The following MTOR variants were observed in gnomAD, a reference collection of about 807,000 sequenced individuals.
MTOR encodes the protein mechanistic target of rapamycin kinase.
MTOR carries 70 observed loss-of-function variants against 319.8 expected under a neutral mutation model. That is an observed-to-expected ratio of 0.22 (90% CI 0.18 to 0.27). MTOR has a LOEUF of 0.27. MTOR is among the 10% of genes least tolerant of loss of function. MTOR has a pLI of 1.00. For synonymous variants in MTOR, 1,183 were observed against 1,211.4 expected, an observed-to-expected ratio of 0.98 and a Z score of 0.49; for missense variants, 1,890 against 3,274.4, an observed-to-expected ratio of 0.58 and a Z score of 10.32.
At chr1:11,132,386 C>T (rs1219177406) in intron 38 of MTOR, 1 of 152,228 alleles carries the variant, frequency 6.6e-6, no homozygotes, top group African/African-American at 2.4e-5. Context: ...ATTATAAGTG[C>T]TTCTGCAGTC....
At chr1:11,231,239 ATC>A (rs2100867406) in intron 17 of MTOR, 59 bp downstream of exon 17, 1 of 1,606,968 alleles carries the variant, frequency 6.2e-7, no homozygotes, top group Non-Finnish European at 8.5e-7. Flanking sequence ...TGCTGCAACC[ATC>A]TCTCTCTTGC....
intron 19 of MTOR, among the ~76,000 whole-genome samples, chr1:11,227,530 T>C (rs1304571831): frequency 1.3e-5 from 2 of 152,064 alleles, no homozygotes; most frequent in African/African-American, 4.8e-5. Context: ...CTTAGTAGAG[T>C]GTATTCTAAG....
At chr1:11,197,223 G>A (rs1382638860) in intron 28 of MTOR, among the ~76,000 whole-genome samples, 3 of 152,150 alleles carry the variant, frequency 2.0e-5, no homozygotes, top group Non-Finnish European at 4.4e-5. Context: ...CCAACAGTGG[G>A]AAAAGACCCC....
intron 15 of MTOR, 33 bp from the exon 16 acceptor site, chr1:11,232,561 T>C (rs1647054778): frequency 6.3e-7 from 1 of 1,580,216 alleles, no homozygotes; most frequent in Non-Finnish European, 8.7e-7. Flanking sequence ...GCAGAAAGGG[T>C]TAGAAATTCT....
intron 8 of MTOR, among the ~76,000 whole-genome samples, chr1:11,245,606 C>T (rs1205592): frequency 0.73 from 110,727 of 151,956 alleles, 40,636 homozygotes; most frequent in East Asian, 0.91. Flanking sequence ...AAATCAAGAG[C>T]ATAATTTCCT....
chr1:11,249,119 G>C (rs1649245778), intron 6 of MTOR, among the ~76,000 whole-genome samples: 1 of 151,978 alleles, frequency 6.6e-6, no homozygotes, highest in South Asian at 2.1e-4. Flanking sequence ...AGCTACTCGG[G>C]AGGCTGAGGC....
At chr1:11,185,290 C>A (rs1359274937) in intron 28 of MTOR, among the ~76,000 whole-genome samples, 4 of 149,332 alleles carry the variant, frequency 2.7e-5, no homozygotes, top group African/African-American at 4.9e-5. Context: ...TTAAAACTGA[C>A]TCTGGCCAGG....
chr1:11,170,708 T>A (rs1489850500), intron 28 of MTOR, among the ~76,000 whole-genome samples: 1 of 150,514 alleles, frequency 6.6e-6, no homozygotes, highest in Admixed American at 6.6e-5. Context: ...TTTTGAGAGA[T>A]GGAGTTTCAC....
At chr1:11,144,327 T>C in intron 34 of MTOR, 2 of 240,454 alleles carry the variant, frequency 8.3e-6, no homozygotes, top group East Asian at 1.4e-4. Flanking sequence ...GTGATTCTAC[T>C]GTGCTGCTAA....
chr1:11,145,389 TC>T (rs1643897856), intron 32 of MTOR: 1 of 266,032 alleles, frequency 3.8e-6, no homozygotes, highest in Non-Finnish European at 7.3e-6. Flanking sequence ...CTTTTTTTTT[TC>T]TTCTGAGACA....
intron 23 of MTOR, among the ~76,000 whole-genome samples, chr1:11,211,278 T>C (rs1307155426): frequency 1.3e-5 from 2 of 152,200 alleles, no homozygotes; most frequent in Non-Finnish European, 2.9e-5. Flanking sequence ...TGGCCCACAA[T>C]AGTGATTTGC....
chr1:11,226,615 A>ACCCAAAAAT (rs967721160), intron 19 of MTOR, among the ~76,000 whole-genome samples: 7 of 152,168 alleles, frequency 4.6e-5, no homozygotes, highest in African/African-American at 1.7e-4. Flanking sequence ...ACATGGCGAA[A>ACCCAAAAAT]CCCAAAAAAT....
At chr1:11,187,830 C>A (rs184843245) in intron 28 of MTOR, among the ~76,000 whole-genome samples, 1 of 152,190 alleles carries the variant, frequency 6.6e-6, no homozygotes, top group East Asian at 1.9e-4. Context: ...GACTGGCAGA[C>A]AGTGCCAATT....
intron 29 of MTOR, among the ~76,000 whole-genome samples, chr1:11,158,561 C>T (rs984957536): frequency 4.6e-5 from 7 of 151,976 alleles, no homozygotes; most frequent in East Asian, 1.9e-4. Context: ...TCTGGCTCCA[C>T]GTAAGGCAAA....
In MTOR at chr1:11,129,248, C is replaced by T. The variant is rs945071186; in HGVS notation, c.5715-297G>A. On this transcript the variant is annotated intron_variant, in intron 40 of 57. Coordinates refer to ENST00000361445, the MANE Select transcript of MTOR (RefSeq NM_004958.4). This position sits in a 1 kb window ranked among gnomAD's most constrained non-coding sequence, Gnocchi z 4.7. ...GGATAACCTTTAGAAAGCCACAAGT[C>T]TGCACATGTAAGAGTCGCTGTACGG... is the stretch of plus-strand genomic sequence containing the variant. Among the ~76,000 whole-genome samples, 3 of 152,210 alleles carry T rather than the reference C, an allele frequency of 2.0e-5. No individual in the cohort carries two copies. Among genetic ancestry groups the T allele is most frequent in the Admixed American group, 6.5e-5 (1 of 15,278 alleles).
At chr1:11,119,950 C>T (rs1642419679) in intron 49 of MTOR, among the ~76,000 whole-genome samples, 1 of 150,738 alleles carries the variant, frequency 6.6e-6, no homozygotes, top group Non-Finnish European at 1.5e-5. Flanking sequence ...ATGGTGTAGG[C>T]CGGGCGTGGT....
At chr1:11,219,970 T>C (rs1227142342) in intron 19 of MTOR, among the ~76,000 whole-genome samples, 2 of 145,088 alleles carry the variant, frequency 1.4e-5, no homozygotes, top group African/African-American at 2.5e-5. Flanking sequence ...AAGGTGGAGG[T>C]TGCAGTTAAC....
chr1:11,208,005 TAG>T (rs1056640107), intron 25 of MTOR, among the ~76,000 whole-genome samples: 1 of 152,116 alleles, frequency 6.6e-6, no homozygotes, highest in East Asian at 1.9e-4. Flanking sequence ...TTTCCTAAAA[TAG>T]AGAGAACAAA....
intron 34 of MTOR, among the ~76,000 whole-genome samples, chr1:11,140,865 A>G (rs985382202): frequency 1.3e-5 from 2 of 152,154 alleles, no homozygotes; most frequent in Admixed American, 1.3e-4. Flanking sequence ...TATCATTCAA[A>G]GTTGAAAAAT....
Sources: gnomAD v4.1 joint callset for allele counts (sites outside exome capture counted in the v4.1 genomes callset) on GRCh38, gnomAD v4.1.1 for gene constraint, Gnocchi (gnomAD v3.1) non-coding constraint, MANE v1.5 for transcripts, NCBI Gene and HGNC (gene_info 2026-07-23, HGNC 2026-07-21) for gene names.